Variants in LPCAT2 observed in about 807,000 individuals in gnomAD.
The protein encoded by LPCAT2 is 1-AGP acyltransferase 11.
Under a neutral mutation model 64.7 loss-of-function variants are expected in LPCAT2, and 58 were observed. That is an observed-to-expected ratio of 0.90 (90% CI 0.73 to 1.12). The LOEUF (loss-of-function observed/expected upper bound fraction) is 1.12. Among genes scored for constraint, LPCAT2 ranks in the 50% most tolerant of loss-of-function variants. LPCAT2 has a pLI of 0.00. For synonymous variants in LPCAT2, 252 were observed against 245.3 expected (o/e 1.03, Z -0.26); for missense variants, 579 against 669.8 (o/e 0.86, Z 1.50).
chr16:55,550,283 A>G (rs1157826675), intron 10 of LPCAT2, among the ~76,000 whole-genome samples: 3 of 152,208 alleles, frequency 2.0e-5, no homozygotes, highest in African/African-American at 7.2e-5. Context: ...GCTATGATGT[A>G]AGCTACAGTA....
intron 9 of LPCAT2, among the ~76,000 whole-genome samples, chr16:55,546,797 CT>C (rs1963459035): frequency 6.8e-6 from 1 of 147,080 alleles, no homozygotes; most frequent in South Asian, 2.4e-4. Context: ...CTCTTCCTTT[CT>C]TATGTTTTCA....
chr16:55,550,545 C>A (rs1963504416), intron 10 of LPCAT2, among the ~76,000 whole-genome samples: 1 of 152,108 alleles, frequency 6.6e-6, no homozygotes, highest in Non-Finnish European at 1.5e-5. Context: ...TATTCCACTA[C>A]AATGTTCTTC....
At chr16:55,518,934 C>T (rs1437566332) in intron 1 of LPCAT2, among the ~76,000 whole-genome samples, 1 of 152,012 alleles carries the variant, frequency 6.6e-6, no homozygotes, top group East Asian at 1.9e-4. Context: ...AAGAGGACTT[C>T]ATCAAAATAA....
chr16:55,532,949 C>T (rs1232492994), intron 6 of LPCAT2, 67 bp downstream of exon 6: 4 of 1,282,460 alleles, frequency 3.1e-6, no homozygotes, highest in African/African-American at 2.9e-5. Flanking sequence ...TCTGGGACCC[C>T]TTTTAATATA....
intron 11 of LPCAT2, among the ~76,000 whole-genome samples, chr16:55,562,290 G>A (rs1963645144): frequency 6.6e-6 from 1 of 151,602 alleles, no homozygotes; most frequent in Non-Finnish European, 1.5e-5. Context: ...TTATCTATTT[G>A]GAGAACTCTG....
Position 55,575,531 on chromosome 16 carries a change from A to C in LPCAT2, c.1314+802A>C, listed in dbSNP as rs1424611483. Among the ~76,000 whole-genome samples the C allele has an allele frequency of 3.9e-5, 6 of 152,276 alleles. No homozygotes were observed. In the South Asian group the frequency reaches 1.2e-3, roughly 32 times the overall value. Reference sequence around the variant, plus strand: ...CTATGTATATTGGCTCTTGTTGTACAGCCACGTAGTTTCCTTGCTTTTGTC... The same window carrying C: ...CTATGTATATTGGCTCTTGTTGTACCGCCACGTAGTTTCCTTGCTTTTGTC... On this transcript the variant is annotated intron_variant, in intron 12 of 13. Transcript: ENST00000262134.
chr16:55,511,684 A>G (rs1962934094), intron 1 of LPCAT2, among the ~76,000 whole-genome samples: 1 of 152,210 alleles, frequency 6.6e-6, no homozygotes, highest in Admixed American at 6.5e-5. Flanking sequence ...TTAACTCAAA[A>G]TTGATTTACT....
At chr16:55,552,757 T>TTCA (rs1963531476) in intron 11 of LPCAT2, among the ~76,000 whole-genome samples, 2 of 152,248 alleles carry the variant, frequency 1.3e-5, no homozygotes, top group Non-Finnish European at 2.9e-5. Context: ...TGCTAAAAAA[T>TTCA]GTGAGCAATC....
At position 55,544,070 on chromosome 16, in the gene LPCAT2, C is replaced by G. The variant is rs534218235; in HGVS notation, c.853-1665C>G. On this transcript the variant is annotated intron_variant, in intron 8 of 13. Coordinates refer to ENST00000262134, the MANE Select transcript of LPCAT2 (RefSeq NM_017839.5). ...GATTGCAGCTGCTTCCAGACATTCT[C>G]CCTGCTCTTAGTCTCTTCTTTGGTG... Among the ~76,000 whole-genome samples the G allele has an allele frequency of 1.3e-4, 20 of 152,278 alleles. No homozygotes were observed. In the South Asian group the frequency reaches 4.1e-3, roughly 32 times the overall value.
intron 8 of LPCAT2, chr16:55,538,550 T>C (rs925929398): frequency 6.6e-6 from 1 of 152,070 alleles, no homozygotes; most frequent in Admixed American, 6.6e-5. Context: ...CAAATTACAT[T>C]TCAGAATGAG....
chr16:55,567,747 A>G, intron 11 of LPCAT2: 1 of 439,152 alleles, frequency 2.3e-6, no homozygotes, highest in Non-Finnish European at 4.2e-6. Flanking sequence ...ACTTGCATAT[A>G]TATGGTGGGG....
chr16:55,553,047 CAGTT>C (rs77362967), intron 11 of LPCAT2, among the ~76,000 whole-genome samples: 140,975 of 152,106 alleles, frequency 0.93, 65,916 homozygotes, highest in East Asian at 0.99. Flanking sequence ...AACAGCTTGA[CAGTT>C]GAACAGGTGA....
chr16:55,528,456 A>C lies in LPCAT2; in HGVS notation c.391A>C (p.Lys131Gln), dbSNP rs1159031919. The change falls in exon 3 of 14, where the codon AAG becomes CAG. Residue 131 changes from lysine to glutamine, a missense_variant. Physicochemically the swap from Lys to Gln is moderately conservative, Grantham distance 53. Coordinates refer to ENST00000262134, the MANE Select transcript of LPCAT2 (RefSeq NM_017839.5). The stretch of plus-strand genomic sequence containing the variant: ...GGGATTTATAGTTGCTGTAAAAGGA[A>C]AGATTGCAAGTCCTTTGGAAGCACC... ...SMGFIVAVKG[K>Q]IASPLEAPVF... The C allele has an allele frequency of 6.2e-7, 1 of 1,614,006 alleles. No individual in the cohort carries two copies. Among genetic ancestry groups the C allele is most frequent in the Admixed American group, 1.7e-5 (1 of 59,986 alleles).
chr16:55,565,276 G>T (rs1278944498), intron 11 of LPCAT2, among the ~76,000 whole-genome samples: 1 of 152,006 alleles, frequency 6.6e-6, no homozygotes. Flanking sequence ...AAGTGGTACA[G>T]TCAATAAGGA....
At chr16:55,516,109 C>T (rs955003772) in intron 1 of LPCAT2, among the ~76,000 whole-genome samples, 12 of 152,058 alleles carry the variant, frequency 7.9e-5, no homozygotes, top group Non-Finnish European at 1.0e-4. Flanking sequence ...TTTATTTATT[C>T]ATTTATTTAC....
At chr16:55,567,206 C>T (rs1280204204) in intron 11 of LPCAT2, 3 of 1,613,822 alleles carry the variant, frequency 1.9e-6, no homozygotes, top group Admixed American at 3.3e-5. Context: ...TGTGGAACAA[C>T]ATCAAGAAAT....
chr16:55,529,852 C>A lies in LPCAT2; in HGVS notation c.547C>A (p.Gln183Lys). ...TTTTAAAGGACTGTTACGGGCTGTG[C>A]AACCAGTTTTGGTGTCCCGTGTAGA... The part of the protein sequence containing the change: ...PLIGRLLRAV[Q>K]PVLVSRVDPD... Residue 183 changes from glutamine to lysine, a missense_variant, in exon 4 of 14, where the codon CAA becomes AAA. Transcript: ENST00000262134. 6.2e-7 allele frequency: 1 copy of A among 1,610,262 alleles called. No individual in the cohort carries two copies. The highest frequency in any genetic ancestry group is 8.5e-7 in the Non-Finnish European group (1 of 1,178,388).
intron 4 of LPCAT2, 53 bp from the exon 5 acceptor site, chr16:55,531,861 G>C: frequency 8.8e-7 from 1 of 1,135,400 alleles, no homozygotes; most frequent in South Asian, 1.3e-5. Flanking sequence ...AGCGAGTAAA[G>C]AGGTAATTTA....
intron 1 of LPCAT2, among the ~76,000 whole-genome samples, chr16:55,515,679 C>T (rs1311084553): frequency 6.6e-6 from 1 of 152,046 alleles, no homozygotes; most frequent in African/African-American, 2.4e-5. Flanking sequence ...GATGCACATA[C>T]AATGTATAAA....
Sources: allele counts gnomAD v4.1 joint callset (sites outside exome capture counted in the v4.1 genomes callset), GRCh38; gene constraint gnomAD v4.1.1; transcripts MANE v1.5; gene names NCBI Gene and HGNC (gene_info 2026-07-23, HGNC 2026-07-21).